POLR3A: variants seen among roughly 807,000 people sequenced by gnomAD.
POLR3A encodes DNA-directed RNA polymerase III subunit RPC1.
A neutral mutation model predicts 152.8 loss-of-function variants in POLR3A; 112 were observed. That is an observed-to-expected ratio of 0.73 (90% CI 0.63 to 0.86). The LOEUF is 0.86. Among genes scored for constraint, POLR3A ranks in the 40% least tolerant of loss-of-function variants. The pLI is 0.00. For missense variants in POLR3A, 1,385 were observed against 1,743.1 expected, an observed-to-expected ratio of 0.79 and a Z score of 3.66; for synonymous variants, 615 against 652.1, an observed-to-expected ratio of 0.94 and a Z score of 0.87.
rs762032721 is a variant in POLR3A at position 78,000,033 on chromosome 10, CG to C, written c.2563del (p.Arg855GlyfsTer4). Reference sequence around the variant, plus strand: ...TACAGCCGTGTCGACTAGACCTTCCCGGCCGGCCATTGTGTGGAAGAAAAAC... The same window carrying C: ...TACAGCCGTGTCGACTAGACCTTCCCGCCGGCCATTGTGTGGAAGAAAAAC... ...TEFFFHTMAGREGLVDTAVKT... is the reference protein window; with the variant it reads ...TEFFFHTMAGXEGLVDTAVKT... On this transcript the variant is annotated frameshift_variant, in exon 19 of 31. Transcript: ENST00000372371. LOFTEE classifies it high-confidence loss of function. 1 of 1,614,068 alleles carries C rather than the reference CG, an allele frequency of 6.2e-7. No individual in the cohort carries two copies. Among genetic ancestry groups the C allele is most frequent in the African/African-American group, 1.3e-5 (1 of 75,024 alleles).
chr10:78,013,558 G>A (rs963671314), intron 11 of POLR3A, 92 bp downstream of exon 11: 7 of 1,303,174 alleles, frequency 5.4e-6, no homozygotes, highest in South Asian at 3.6e-5. Flanking sequence ...CTTCTTTGGC[G>A]TTGTTAGTTG....
intron 25 of POLR3A, 27 bp from the exon 26 acceptor site, chr10:77,984,039 A>G: frequency 6.6e-7 from 1 of 1,509,784 alleles, no homozygotes; most frequent in Non-Finnish European, 9.2e-7. Context: ...TCAGACTGTT[A>G]ATCAGCCGCT....
intron 21 of POLR3A, among the ~76,000 whole-genome samples, chr10:77,990,844 C>A (rs1011202362): frequency 6.6e-6 from 1 of 152,130 alleles, no homozygotes; most frequent in Non-Finnish European, 1.5e-5. Context: ...GAACTCCTGA[C>A]CTCAAGTGAT....
At chr10:78,024,492 G>A (rs572650396) in intron 5 of POLR3A, 57 bp downstream of exon 5, 36 of 1,582,836 alleles carry the variant, frequency 2.3e-5, no homozygotes, top group African/African-American at 6.7e-5. Flanking sequence ...TGCATGTGAC[G>A]TGCGGAAGAG....
At chr10:78,022,812 A>T (rs150539147) in intron 5 of POLR3A, among the ~76,000 whole-genome samples, 12 of 152,224 alleles carry the variant, frequency 7.9e-5, no homozygotes, top group African/African-American at 2.9e-4. Flanking sequence ...TTGGGGGGAA[A>T]AAAAGATACT....
chr10:78,009,510 C>T, intron 14 of POLR3A, 27 bp downstream of exon 14: 1 of 1,614,230 alleles, frequency 6.2e-7, no homozygotes, highest in South Asian at 1.1e-5. Context: ...GTTCCTCCTT[C>T]TCCCCACCCG....
intron 1 of POLR3A, among the ~76,000 whole-genome samples, chr10:78,028,980 G>C (rs965404440): frequency 6.6e-6 from 1 of 152,118 alleles, no homozygotes; most frequent in Non-Finnish European, 1.5e-5. Context: ...CGTGTCAGAC[G>C]CTCTGCGGCT....
At chr10:77,994,804 C>T (rs1194837147) in intron 19 of POLR3A, among the ~76,000 whole-genome samples, 1 of 152,118 alleles carries the variant, frequency 6.6e-6, no homozygotes, top group East Asian at 1.9e-4. Context: ...TCAGGAAATA[C>T]AGAGAACACC....
At chr10:78,019,406 G>A (rs1021599477) in intron 8 of POLR3A, 141 bp from the exon 9 acceptor site, 3 of 689,498 alleles carry the variant, frequency 4.4e-6, no homozygotes, top group East Asian at 5.4e-5. Flanking sequence ...GCTGCCTATG[G>A]TCTTGAGTAT....
chr10:78,002,946 TG>T (rs1201329425), intron 16 of POLR3A, among the ~76,000 whole-genome samples: 1 of 152,212 alleles, frequency 6.6e-6, no homozygotes. Context: ...GACACACACA[TG>T]CACCCCATAC....
intron 23 of POLR3A, 68 bp downstream of exon 23, chr10:77,985,835 T>C (rs1192422734): frequency 4.3e-6 from 5 of 1,164,442 alleles, no homozygotes. Context: ...TTTGTACACA[T>C]GGGGAAACAG....
Position 78,021,610 on chromosome 10 carries a change from T to C in POLR3A, c.1121A>G (p.Asn374Ser), listed in dbSNP as rs766934023. 6.2e-7 allele frequency: 1 copy of C among 1,613,850 alleles called. No homozygotes were observed. Among genetic ancestry groups the C allele is most frequent in the African/African-American group, 1.3e-5 (1 of 74,826 alleles). Residue 374 changes from asparagine to serine, a missense_variant, in exon 8 of 31, where the codon AAC becomes AGC. Physicochemically the swap from Asn to Ser is conservative, Grantham distance 46 (BLOSUM62 1). Around this residue, in one of 7 missense-constraint regions of POLR3A, gnomAD observed 493 missense variants for 647.5 expected, o/e 0.76. Coordinates refer to ENST00000372371, the MANE Select transcript of POLR3A (RefSeq NM_007055.4). The part of the protein sequence containing the change: ...SGRTVISPDP[N>S]LRIDEVAVPV... Reference sequence around the variant, plus strand: ...CACAGCTACCTCATCAATCCGGAGGTTGGGGTCGGGCGAGATGACTGTTCT... The same window carrying C: ...CACAGCTACCTCATCAATCCGGAGGCTGGGGTCGGGCGAGATGACTGTTCT...
In POLR3A at chr10:78,024,543, G is replaced by A. The variant is rs1303593803; in HGVS notation, c.645+6C>T. ...GCGGAAGGCAGGCGTGCATTCTCAG[G>A]CTCACCTGTGCCCTTCCCAGCAGAG... On this transcript the variant is annotated splice_donor_region_variant and intron_variant, in intron 5 of 30. Transcript: ENST00000372371. 1 of 1,612,788 alleles carries A rather than the reference G, an allele frequency of 6.2e-7. No individual in the cohort carries two copies. Among genetic ancestry groups the A allele is most frequent in the Non-Finnish European group, 8.5e-7 (1 of 1,179,826 alleles).
rs527328904 is a variant in POLR3A, at chr10:78,014,113, C to T, written c.1432-323G>A. ...TGGAGGTTGCAGTGAGCCAAGATCG[C>T]GCCATTGCACCCCAGCCTGGGTGAT... is the stretch of plus-strand genomic sequence containing the variant. On this transcript the variant is annotated intron_variant, in intron 10 of 30. Coordinates refer to ENST00000372371, the MANE Select transcript of POLR3A (RefSeq NM_007055.4). Among the ~76,000 whole-genome samples, 50 of 151,258 alleles carry T rather than the reference C, an allele frequency of 3.3e-4. No individual in the cohort carries two copies. In the East Asian group the frequency reaches 4.1e-3, roughly 12 times the overall value.
intron 19 of POLR3A, among the ~76,000 whole-genome samples, chr10:77,998,294 T>C (rs1431705434): frequency 6.6e-6 from 1 of 152,000 alleles, no homozygotes; most frequent in East Asian, 1.9e-4. Flanking sequence ...AAAGCCAAAA[T>C]TGACAAATGG....
chr10:77,996,945 A>G (rs1173750528), intron 19 of POLR3A, among the ~76,000 whole-genome samples: 3 of 152,222 alleles, frequency 2.0e-5, no homozygotes, highest in Admixed American at 6.5e-5. Flanking sequence ...CCAGCAGCAC[A>G]TCAAAAAGCT....
At chr10:78,007,906 T>TG in intron 14 of POLR3A, 40 bp from the exon 15 acceptor site, 1 of 1,554,832 alleles carries the variant, frequency 6.4e-7, no homozygotes, top group Non-Finnish European at 8.9e-7. Flanking sequence ...AATTATTTAT[T>TG]ACTTTGCCTT....
chr10:78,012,533 C>T (rs1433175966), intron 11 of POLR3A, among the ~76,000 whole-genome samples: 2 of 152,166 alleles, frequency 1.3e-5, no homozygotes, highest in East Asian at 3.9e-4. Context: ...GGGACACTTA[C>T]AACTATAAGA....
chr10:77,980,648 G>A (rs1442816667), intron 29 of POLR3A, among the ~76,000 whole-genome samples: 1 of 152,106 alleles, frequency 6.6e-6, no homozygotes, highest in African/African-American at 2.4e-5. Context: ...TCTACTCAAA[G>A]GAATATTGTG....
Sources: allele counts gnomAD v4.1 joint callset (sites outside exome capture counted in the v4.1 genomes callset), GRCh38; gene constraint gnomAD v4.1.1; regional missense constraint gnomAD v4.1.1; transcripts MANE v1.5; gene names NCBI Gene and HGNC (gene_info 2026-07-23, HGNC 2026-07-21).